The following DDX60L variants were observed in gnomAD, a reference collection of about 807,000 sequenced individuals.
DDX60L encodes DExD/H-box 60 like, also known as probable ATP-dependent RNA helicase DDX60-like.
A neutral mutation model predicts 211.6 loss-of-function variants in DDX60L; 191 were observed. The ratio of observed to expected loss-of-function variants is 0.90; its 90% CI spans 0.80 to 1.02. The LOEUF (loss-of-function observed/expected upper bound fraction) is 1.02. DDX60L is among the 50% of genes least tolerant of loss of function. The probability of loss-of-function intolerance (pLI) is 0.00; values close to 1 mark genes in which losing one functional copy is unlikely to be tolerated. For missense variants in DDX60L, 2,007 were observed against 1,984.1 expected, an observed-to-expected ratio of 1.01 and a Z score of -0.22; for synonymous variants, 706 against 694.1, an observed-to-expected ratio of 1.02 and a Z score of -0.27.
At chr4:168,434,368 T>C (rs547838935) in intron 10 of DDX60L, among the ~76,000 whole-genome samples, 143 of 152,310 alleles carry the variant, frequency 9.4e-4, no homozygotes, top group African/African-American at 3.3e-3. Context: ...TTAGAGTGAC[T>C]TATCATGTAA....
rs868298711 is a variant in DDX60L, at chr4:168,394,327, C to A, written c.3810+138G>T. ...CCTCTAATAAATGGGATAGATGGAGCAGTCCAGTCCAGTGAGTTGTAATAA... is the reference window on the plus strand; with the variant it reads ...CCTCTAATAAATGGGATAGATGGAGAAGTCCAGTCCAGTGAGTTGTAATAA... On this transcript the variant is annotated intron_variant, in intron 28 of 37. Transcript: ENST00000682922. 9 of 558,158 alleles carry A rather than the reference C, an allele frequency of 1.6e-5. No homozygotes were observed. In the Middle Eastern group the frequency reaches 3.4e-3, roughly 209 times the overall value. The allele number at this position is 558,158 out of a possible 1,614,324, so 34.6% of individuals were successfully genotyped here. A position where few individuals can be genotyped will look rare whatever the true frequency, so the allele number is the denominator to read the frequency against.
At chr4:168,479,620 A>T (rs1760114412) in intron 1 of DDX60L, among the ~76,000 whole-genome samples, 1 of 152,290 alleles carries the variant, frequency 6.6e-6, no homozygotes, top group South Asian at 2.1e-4. Context: ...AGAAGCGGGA[A>T]AAAAGAACAA....
At position 168,457,892 on chromosome 4, in the gene DDX60L, C is replaced by T. The variant is rs769386364; in HGVS notation, c.723G>A (p.Glu241=). Residue 241 remains glutamate, a splice_region_variant and synonymous_variant, in exon 6 of 38, where the codon GAG becomes GAA. Coordinates refer to ENST00000682922, the MANE Select transcript of DDX60L (RefSeq NM_001012967.3). Reference sequence around the variant, plus strand: ...TTTAAAGAAATAAAAATTTTAATACCTCTTCCATCATATCATTCCATTTCA... The same window carrying T: ...TTTAAAGAAATAAAAATTTTAATACTTCTTCCATCATATCATTCCATTTCA... The part of the protein sequence containing the change: ...EHLKWNDMME[E]AYQTLFLLQH... 6.7e-6 allele frequency: 10 copies of T among 1,492,502 alleles called. No homozygotes were observed. The African/African-American group carries it at 1.3e-4, about 19-fold the overall frequency. 92.5% of individuals were successfully genotyped at this position (1,492,502 alleles called of 1,614,324 possible).
chr4:168,367,494 T>C (rs1320754697), intron 36 of DDX60L, among the ~76,000 whole-genome samples: 1 of 152,190 alleles, frequency 6.6e-6, no homozygotes, highest in Non-Finnish European at 1.5e-5. Flanking sequence ...TTGTAAGTTG[T>C]CCAGTCTTGG....
In DDX60L at chr4:168,400,963, A is replaced by G. The variant is rs1579393804; in HGVS notation, c.3354T>C (p.Asp1118=). Residue 1118 remains aspartate, a synonymous_variant, in exon 26 of 38, where the codon GAT becomes GAC. Transcript: ENST00000682922. ...PAIFFLFKND[D]VGKRAGSVCT... ...ACACACTTCCAGCTCTTTTTCCCAC[A>G]TCATCATTCTTAAACCTTAAAACAA... The G allele has an allele frequency of 1.9e-6, 3 of 1,613,634 alleles. No homozygotes were observed. Among genetic ancestry groups the G allele is most frequent in the East Asian group, 4.5e-5 (2 of 44,870 alleles).
chr4:168,476,978 T>C (rs1480534791), intron 1 of DDX60L, among the ~76,000 whole-genome samples: 1 of 152,216 alleles, frequency 6.6e-6, no homozygotes, highest in East Asian at 1.9e-4. Flanking sequence ...TGAATCACTA[T>C]TGGGCCGACT....
chr4:168,388,956 T>G (rs1744350755), intron 29 of DDX60L, among the ~76,000 whole-genome samples: 1 of 152,164 alleles, frequency 6.6e-6, no homozygotes, highest in African/African-American at 2.4e-5. Flanking sequence ...AGTATGCCAA[T>G]AAGGAGACTT....
intron 22 of DDX60L, among the ~76,000 whole-genome samples, chr4:168,407,415 G>C (rs569881782): frequency 6.6e-6 from 1 of 152,284 alleles, no homozygotes; most frequent in South Asian, 2.1e-4. Flanking sequence ...CATAGCCTTT[G>C]TGTTCTATAC....
intron 17 of DDX60L, among the ~76,000 whole-genome samples, chr4:168,420,613 TACACACAC>T (rs200084305): frequency 1.8e-5 from 2 of 112,204 alleles, no homozygotes; most frequent in Admixed American, 9.4e-5. Flanking sequence ...CACACACACA[TACACACAC>T]ACACACACAC....
chr4:168,393,991 G>C (rs992778760), intron 28 of DDX60L, among the ~76,000 whole-genome samples: 9 of 152,072 alleles, frequency 5.9e-5, no homozygotes, highest in African/African-American at 2.2e-4. Context: ...TCAGGAGTTC[G>C]AGAACAGGCT....
intron 28 of DDX60L, among the ~76,000 whole-genome samples, chr4:168,392,840 C>CA (rs60915238): frequency 0.011 from 1,443 of 126,538 alleles, 29 homozygotes; most frequent in African/African-American, 0.04. Context: ...AACTCTGTCT[C>CA]AAAAAAAAAA....
chr4:168,402,666 G>A (rs901126205), intron 25 of DDX60L, among the ~76,000 whole-genome samples: 6 of 152,236 alleles, frequency 3.9e-5, no homozygotes, highest in East Asian at 1.9e-4. Context: ...TCTTAACTAC[G>A]CCTCTACATG....
At chr4:168,358,850 T>C (rs1335586779) in intron 37 of DDX60L, among the ~76,000 whole-genome samples, 2 of 152,156 alleles carry the variant, frequency 1.3e-5, no homozygotes, top group East Asian at 3.9e-4. Context: ...CTAAACTTGC[T>C]CTGTGAGTTT....
intron 37 of DDX60L, 54 bp downstream of exon 37, chr4:168,361,094 GT>G (rs1242441852): frequency 7.9e-7 from 1 of 1,273,266 alleles, no homozygotes; most frequent in Non-Finnish European, 1.1e-6. Context: ...AGAGCTATAT[GT>G]TTGCTAAACT....
chr4:168,370,427 G>A (rs940970026), intron 36 of DDX60L, among the ~76,000 whole-genome samples: 2 of 152,088 alleles, frequency 1.3e-5, no homozygotes, highest in African/African-American at 4.8e-5. Flanking sequence ...GATTGGGGAG[G>A]GGAAGAGAAA....
At chr4:168,390,652 C>G in intron 29 of DDX60L, 1 of 471,450 alleles carries the variant, frequency 2.1e-6, no homozygotes, top group Non-Finnish European at 3.5e-6. Flanking sequence ...TTTTTTTTAG[C>G]AGTGTATAGA....
intron 22 of DDX60L, among the ~76,000 whole-genome samples, chr4:168,407,872 G>A (rs1748024409): frequency 6.6e-6 from 1 of 152,162 alleles, no homozygotes; most frequent in South Asian, 2.1e-4. Context: ...TTCATTGCTT[G>A]TCTTCAAGAT....
chr4:168,425,626 G>A (rs1751333361), intron 14 of DDX60L, among the ~76,000 whole-genome samples: 2 of 152,160 alleles, frequency 1.3e-5, no homozygotes, highest in Non-Finnish European at 2.9e-5. Flanking sequence ...GCCAGGCATG[G>A]TGGCAGGAGC....
chr4:168,422,682 A>G lies in DDX60L; in HGVS notation c.2098-12T>C. ...TTGTCATCTCCTATCTGTTATTTTAATATATTATTTGAAATCAACTTAAAC... is the reference window on the plus strand; with the variant it reads ...TTGTCATCTCCTATCTGTTATTTTAGTATATTATTTGAAATCAACTTAAAC... On this transcript the variant is annotated splice_polypyrimidine_tract_variant and intron_variant, in intron 15 of 37. Coordinates refer to ENST00000682922, the MANE Select transcript of DDX60L (RefSeq NM_001012967.3). The G allele has an allele frequency of 6.5e-7, 1 of 1,535,712 alleles. No individual in the cohort carries two copies. The highest frequency in any genetic ancestry group is 1.2e-5 in the South Asian group (1 of 81,588).
Sources: gnomAD v4.1 joint callset for allele counts (sites outside exome capture counted in the v4.1 genomes callset) on GRCh38, gnomAD v4.1.1 for gene constraint, MANE v1.5 for transcripts, NCBI Gene and HGNC (gene_info 2026-07-23, HGNC 2026-07-21) for gene names.